The following IL1RAPL1 variants were observed in gnomAD, a reference collection of about 807,000 sequenced individuals.
The protein encoded by IL1RAPL1 is interleukin 1 receptor accessory protein like 1, also known as interleukin-1 receptor accessory protein-like 1.
In IL1RAPL1, 3 loss-of-function variants were observed where a neutral mutation model predicts 48.4. That is an observed-to-expected ratio of 0.06 (90% confidence interval 0.03 to 0.16). The LOEUF is 0.16. Among genes scored for constraint, IL1RAPL1 ranks in the 10% least tolerant of loss-of-function variants. IL1RAPL1 has a pLI of 1.00. For synonymous variants in IL1RAPL1, 185 were observed against 187.7 expected, an observed-to-expected ratio of 0.99 and a Z score of 0.12; for missense variants, 349 against 530.6, an observed-to-expected ratio of 0.66 and a Z score of 3.36.
At chrX:29,083,072 T>C (rs886658349) in intron 2 of IL1RAPL1, among the ~76,000 whole-genome samples, 1 of 112,262 alleles carries the variant, frequency 8.9e-6, no homozygotes, top group African/African-American at 3.2e-5. Flanking sequence ...GATGCTGGTA[T>C]ATAATTTTCT....
intron 2 of IL1RAPL1, among the ~76,000 whole-genome samples, chrX:29,054,917 A>C (rs1927178769): frequency 8.9e-6 from 1 of 112,262 alleles, no homozygotes; most frequent in Admixed American, 9.5e-5. Flanking sequence ...ATTAATAAAT[A>C]CTTGTTGAAC....
chrX:29,541,366 C>T (rs1199181911), intron 5 of IL1RAPL1, among the ~76,000 whole-genome samples: 1 of 111,577 alleles, frequency 9.0e-6, no homozygotes, highest in African/African-American at 3.3e-5. Flanking sequence ...GGGCAAAGTG[C>T]TTTGACGGTT....
chrX:29,796,050 A>C lies in IL1RAPL1; in HGVS notation c.779-121414A>C, dbSNP rs766698573. ...ACCTCTCAGTTTACCCTTTGTAAAT[A>C]ACTCAAATGGTTTGCTTTGAACTGG... is the stretch of plus-strand genomic sequence containing the variant. On this transcript the variant is annotated intron_variant, in intron 6 of 10. Transcript: ENST00000378993. Among the ~76,000 whole-genome samples, 11 of 112,499 alleles carry C rather than the reference A, an allele frequency of 9.8e-5. No individual in the cohort carries two copies. In the Admixed American group the frequency reaches 1.0e-3, roughly 11 times the overall value.
intron 1 of IL1RAPL1, among the ~76,000 whole-genome samples, chrX:28,786,903 G>C (rs1017286486): frequency 6.3e-5 from 7 of 111,993 alleles, no homozygotes; most frequent in African/African-American, 1.9e-4. Flanking sequence ...TATGCAACAA[G>C]GATAGCAAAA....
intron 6 of IL1RAPL1, among the ~76,000 whole-genome samples, chrX:29,673,287 A>G (rs914794441): frequency 1.8e-5 from 2 of 112,002 alleles, no homozygotes; most frequent in Non-Finnish European, 3.8e-5. Context: ...GTTGAATTTG[A>G]TACCGAATTC....
intron 2 of IL1RAPL1, among the ~76,000 whole-genome samples, chrX:28,877,169 T>C (rs910389369): frequency 1.8e-5 from 2 of 112,514 alleles, no homozygotes; most frequent in African/African-American, 6.5e-5. Flanking sequence ...TCTATATTTA[T>C]ATTTAAATCT....
intron 3 of IL1RAPL1, among the ~76,000 whole-genome samples, chrX:29,381,951 A>T (rs1933716845): frequency 9.3e-6 from 1 of 107,511 alleles, no homozygotes; most frequent in African/African-American, 3.4e-5. Context: ...ATACAGCAAT[A>T]CTTCATGTAA....
At chrX:29,918,814 A>G (rs2147239150) in intron 7 of IL1RAPL1, among the ~76,000 whole-genome samples, 1 of 112,386 alleles carries the variant, frequency 8.9e-6, no homozygotes, top group Admixed American at 9.4e-5. Context: ...ATTATAATTC[A>G]TTCAATGCTA....
At chrX:29,603,262 T>G (rs1923783326) in intron 5 of IL1RAPL1, among the ~76,000 whole-genome samples, 1 of 76,649 alleles carries the variant, frequency 1.3e-5, no homozygotes, top group African/African-American at 5.6e-5. Flanking sequence ...TGAGACTCTA[T>G]CTCAAAAAAA....
intron 3 of IL1RAPL1, among the ~76,000 whole-genome samples, chrX:29,361,341 A>G (rs946921746): frequency 9.8e-5 from 11 of 112,232 alleles, no homozygotes; most frequent in African/African-American, 3.6e-4. Flanking sequence ...CATTGGCTCA[A>G]ACAGGTCATT....
chrX:29,723,359 G>C (rs192403092), intron 6 of IL1RAPL1, among the ~76,000 whole-genome samples: 1 of 111,513 alleles, frequency 9.0e-6, no homozygotes, highest in Non-Finnish European at 1.9e-5. Context: ...AGTGATTCTC[G>C]TGCCTCAGCC....
At chrX:29,096,627 T>A (rs1387226811) in intron 2 of IL1RAPL1, among the ~76,000 whole-genome samples, 1 of 111,227 alleles carries the variant, frequency 9.0e-6, no homozygotes, top group Non-Finnish European at 1.9e-5. Flanking sequence ...TCACAATATC[T>A]CTTCCCAGAA....
At chrX:29,735,887 A>G (rs777045189) in intron 6 of IL1RAPL1, among the ~76,000 whole-genome samples, 2 of 112,816 alleles carry the variant, frequency 1.8e-5, no homozygotes, top group Non-Finnish European at 3.7e-5. Context: ...AGAGACAACA[A>G]ACAGATGGCC....
intron 5 of IL1RAPL1, among the ~76,000 whole-genome samples, chrX:29,600,687 G>T (rs945753022): frequency 3.6e-5 from 4 of 111,181 alleles, no homozygotes; most frequent in Non-Finnish European, 7.6e-5. Context: ...ACCACCAGGT[G>T]GGGGGCAGGG....
intron 2 of IL1RAPL1, among the ~76,000 whole-genome samples, chrX:29,197,728 G>C (rs1387814397): frequency 1.1e-5 from 1 of 92,772 alleles, no homozygotes; most frequent in African/African-American, 4.5e-5. Flanking sequence ...TTTTTTTTGA[G>C]ATGGAGTTTT....
chrX:28,893,563 G>A (rs1451715323), intron 2 of IL1RAPL1, among the ~76,000 whole-genome samples: 2 of 111,342 alleles, frequency 1.8e-5, no homozygotes, highest in South Asian at 3.8e-4. Flanking sequence ...TTCCTGACTC[G>A]GGGCATGTTG....
chrX:29,066,457 C>T (rs1016985502), intron 2 of IL1RAPL1, among the ~76,000 whole-genome samples: 7 of 111,988 alleles, frequency 6.3e-5, no homozygotes, highest in Admixed American at 3.8e-4. Flanking sequence ...TTGGATAATA[C>T]GTTGGGGTAT....
intron 5 of IL1RAPL1, among the ~76,000 whole-genome samples, chrX:29,576,101 T>C (rs1324157159): frequency 8.9e-6 from 1 of 112,135 alleles, no homozygotes; most frequent in Non-Finnish European, 1.9e-5. Context: ...ATTTATAAAA[T>C]AGAAAGACTA....
At chrX:29,649,121 G>A (rs1925433590) in intron 5 of IL1RAPL1, among the ~76,000 whole-genome samples, 1 of 111,386 alleles carries the variant, frequency 9.0e-6, no homozygotes, top group Non-Finnish European at 1.9e-5. Context: ...GTAATAGAAA[G>A]TCTCCCATCA....
Sources: gnomAD v4.1 joint callset for allele counts (sites outside exome capture counted in the v4.1 genomes callset) on GRCh38, gnomAD v4.1.1 for gene constraint, MANE v1.5 for transcripts, NCBI Gene and HGNC (gene_info 2026-07-23, HGNC 2026-07-21) for gene names.